Variants in INTS4 observed in about 807,000 individuals in gnomAD.
The protein encoded by INTS4 is MSTP093.
In INTS4, 70 loss-of-function variants were observed where a neutral mutation model predicts 119.5. The observed-to-expected ratio is 0.59, with a 90% CI of 0.48 to 0.71. The LOEUF is 0.71. INTS4 is among the 30% of genes least tolerant of loss of function. INTS4 has a pLI of 0.00. For synonymous variants in INTS4, 316 were observed against 419.6 expected (o/e 0.75, Z 3.02); for missense variants, 867 against 1,173.2 (o/e 0.74, Z 3.81).
intron 4 of INTS4, among the ~76,000 whole-genome samples, chr11:77,973,541 C>T (rs1855815825): frequency 6.6e-6 from 1 of 151,910 alleles, no homozygotes; most frequent in Non-Finnish European, 1.5e-5. Flanking sequence ...TATGATGTTT[C>T]CTGTCAGTTT....
chr11:77,983,879 G>C (rs927129343), intron 2 of INTS4, among the ~76,000 whole-genome samples: 3 of 151,826 alleles, frequency 2.0e-5, no homozygotes, highest in African/African-American at 4.8e-5. Flanking sequence ...TCCACTTTTG[G>C]GTATATACTC....
At chr11:77,883,438 G>A (rs1467211477) in intron 22 of INTS4, among the ~76,000 whole-genome samples, 2 of 152,166 alleles carry the variant, frequency 1.3e-5, no homozygotes, top group African/African-American at 4.8e-5. Flanking sequence ...TTTGTAGGTT[G>A]AGAATTATTA....
intron 8 of INTS4, among the ~76,000 whole-genome samples, chr11:77,946,923 T>C (rs1467839956): frequency 6.8e-6 from 1 of 147,800 alleles, no homozygotes; most frequent in Non-Finnish European, 1.5e-5. Context: ...ACATTCATGA[T>C]CCGAATGAGA....
chr11:77,901,266 G>A (rs1285992701), intron 18 of INTS4, 155 bp downstream of exon 18: 3 of 822,750 alleles, frequency 3.6e-6, no homozygotes, highest in Non-Finnish European at 4.1e-6. Flanking sequence ...AACAGAATTT[G>A]TAATATCTGA....
At chr11:77,875,433 C>A (rs899184240), downstream of INTS4, among the ~76,000 whole-genome samples, 1 of 152,114 alleles carries the variant, frequency 6.6e-6, no homozygotes, top group African/African-American at 2.4e-5. Context: ...TTTTAACTTT[C>A]ATGAAAATGA....
chr11:77,891,453 C>T lies in INTS4; in HGVS notation c.2458G>A (p.Ala820Thr). Residue 820 changes from alanine (A) to threonine (T), a missense_variant, in exon 21 of 23, where the codon GCC becomes ACC. Coordinates refer to ENST00000534064, the MANE Select transcript of INTS4 (RefSeq NM_033547.4). ...HLPLPEQIHK[A>T]SATIIEPAGE... ...GCTGGCTCGATGATGGTGGCTGAGG[C>T]TTTGTGGATCTGTAAGCAAGAGGAA... The T allele has an allele frequency of 6.2e-7, 1 of 1,613,804 alleles. No individual in the cohort carries two copies. Among genetic ancestry groups the T allele is most frequent in the Non-Finnish European group, 8.5e-7 (1 of 1,179,812 alleles).
At chr11:77,936,263 A>T (rs1175924023) in intron 10 of INTS4, among the ~76,000 whole-genome samples, 1 of 152,240 alleles carries the variant, frequency 6.6e-6, no homozygotes, top group African/African-American at 2.4e-5. Flanking sequence ...CGAATCACAG[A>T]AATAATAGTC....
intron 22 of INTS4, 68 bp downstream of exon 22, chr11:77,883,764 A>G: frequency 6.5e-7 from 1 of 1,537,056 alleles, no homozygotes; most frequent in South Asian, 1.2e-5. Context: ...TTTAAAAACC[A>G]AACGCTTAAG....
intron 9 of INTS4, among the ~76,000 whole-genome samples, chr11:77,939,603 A>G (rs1953880723): frequency 6.6e-6 from 1 of 152,194 alleles, no homozygotes; most frequent in African/African-American, 2.4e-5. Context: ...AGTCCACTTG[A>G]CAGTTATGGT....
At chr11:77,880,956 A>T (rs368696111) in intron 22 of INTS4, among the ~76,000 whole-genome samples, 23 of 152,102 alleles carry the variant, frequency 1.5e-4, no homozygotes, top group Admixed American at 1.2e-3. Context: ...AAAAAACAAA[A>T]AAACAAATAA....
rs1264855088 is a variant in INTS4, at chr11:77,878,827, A to G, written c.*122T>C. On this transcript the variant is annotated 3_prime_UTR_variant, in exon 23 of 23. Coordinates refer to ENST00000534064, the MANE Select transcript of INTS4 (RefSeq NM_033547.4). ...TATCCTGTGTTTGATACCAGATGAG[A>G]CTGTAAGGGTCACATACTCCTTAAG... 1 of 787,670 alleles carries G rather than the reference A, an allele frequency of 1.3e-6. No individual in the cohort carries two copies. The highest frequency in any genetic ancestry group is 1.7e-5 in the African/African-American group (1 of 58,398). 48.8% of individuals were successfully genotyped at this position (787,670 alleles called of 1,614,324 possible). A position where few individuals can be genotyped will look rare whatever the true frequency, so the allele number is the denominator to read the frequency against.
intron 4 of INTS4, among the ~76,000 whole-genome samples, chr11:77,962,155 C>T (rs1288416198): frequency 6.6e-6 from 1 of 152,174 alleles, no homozygotes; most frequent in Non-Finnish European, 1.5e-5. Context: ...TGGTGGCACA[C>T]ACCTATAGTC....
At position 77,960,982 on chromosome 11, in the gene INTS4, G is replaced by C. The variant is rs759046434; in HGVS notation, c.628C>G (p.Arg210Gly). The change falls in exon 5 of 23, where the codon CGT becomes GGT. Residue 210 changes from arginine to glycine, a missense_variant. Transcript: ENST00000534064. Reference protein sequence around the residue: ...IGDYFSDQDPRVRTAAIKAML... With the variant: ...IGDYFSDQDPGVRTAAIKAML... Reference sequence around the variant, plus strand: ...GCTTTTATAGCTGCTGTTCTGACACGTGGGTCTTGGTCACTGAAGTAATCC... The same window carrying C: ...GCTTTTATAGCTGCTGTTCTGACACCTGGGTCTTGGTCACTGAAGTAATCC... The C allele has an allele frequency of 2.5e-6, 4 of 1,610,950 alleles. No individual in the cohort carries two copies. Among genetic ancestry groups the C allele is most frequent in the Non-Finnish European group, 3.4e-6 (4 of 1,178,696 alleles).
At chr11:77,989,668 T>C (rs1251309189) in intron 2 of INTS4, among the ~76,000 whole-genome samples, 1 of 151,472 alleles carries the variant, frequency 6.6e-6, no homozygotes, top group East Asian at 1.9e-4. Context: ...GGAGGGTGGA[T>C]TGCTTGAGCC....
chr11:77,940,491 G>A (rs1167601333), intron 9 of INTS4, among the ~76,000 whole-genome samples: 2 of 152,124 alleles, frequency 1.3e-5, no homozygotes, highest in African/African-American at 4.8e-5. Flanking sequence ...TTGGAGAAAG[G>A]CTTTACTCAG....
chr11:77,976,058 A>G (rs1455575120), intron 4 of INTS4, among the ~76,000 whole-genome samples: 1 of 152,174 alleles, frequency 6.6e-6, no homozygotes, highest in African/African-American at 2.4e-5. Flanking sequence ...TTCACATGAG[A>G]GGAAATACAA....
intron 4 of INTS4, among the ~76,000 whole-genome samples, chr11:77,976,747 T>TA (rs1178701819): frequency 1.3e-5 from 2 of 152,114 alleles, no homozygotes; most frequent in African/African-American, 4.8e-5. Context: ...TATGCAGCCA[T>TA]AAAAAATGAT....
chr11:77,963,876 G>A (rs1315883649), intron 4 of INTS4, among the ~76,000 whole-genome samples: 1 of 152,152 alleles, frequency 6.6e-6, no homozygotes, highest in African/African-American at 2.4e-5. Context: ...GTAGAGATGG[G>A]ATGTTGCCAC....
chr11:77,876,916 G>A, downstream of INTS4: 2 of 702,008 alleles, frequency 2.8e-6, no homozygotes, highest in Middle Eastern at 2.3e-4. Flanking sequence ...GATGGGCTCA[G>A]GCAGCAGCCA....
Sources: gnomAD v4.1 joint callset for allele counts (sites outside exome capture counted in the v4.1 genomes callset) on GRCh38, gnomAD v4.1.1 for gene constraint, MANE v1.5 for transcripts, NCBI Gene and HGNC (gene_info 2026-07-23, HGNC 2026-07-21) for gene names.